MAP3K1: variants seen among roughly 807,000 people sequenced by gnomAD.
The protein encoded by MAP3K1 is MAP/ERK kinase kinase 1.
A neutral mutation model predicts 144.2 loss-of-function variants in MAP3K1; 36 were observed. That is an observed-to-expected ratio of 0.25 (90% confidence interval 0.19 to 0.33). The LOEUF (loss-of-function observed/expected upper bound fraction) is 0.33, where lower values mean the gene tolerates loss of function less well. Among genes scored for constraint, MAP3K1 ranks in the 10% least tolerant of loss-of-function variants. The pLI is 1.00. For synonymous variants in MAP3K1, 718 were observed against 688.7 expected, an observed-to-expected ratio of 1.04 and a Z score of -0.67; for missense variants, 1,650 against 1,881.9, an observed-to-expected ratio of 0.88 and a Z score of 2.28.
chr5:56,883,578 G>C lies in MAP3K1; in HGVS notation c.3718G>C (p.Asp1240His). Residue 1240 changes from aspartate (D) to histidine (H), a missense_variant, in exon 15 of 20, where the codon GAC becomes CAC. Around this residue, in one of 6 missense-constraint regions of MAP3K1, gnomAD observed 841 missense variants for 886.5 expected, o/e 0.95. Coordinates refer to ENST00000399503, the MANE Select transcript of MAP3K1 (RefSeq NM_005921.2). ...CAAAGCAAAACAACCGTATAGAGAAGACACTGAATGGCTGAAAGGTCAACA... is the reference window on the plus strand; with the variant it reads ...CAAAGCAAAACAACCGTATAGAGAACACACTGAATGGCTGAAAGGTCAACA... ...HTKAKQPYRE[D>H]TEWLKGQQIG... The C allele has an allele frequency of 1.9e-6, 3 of 1,614,122 alleles. No individual in the cohort carries two copies. The highest frequency in any genetic ancestry group is 2.5e-6 in the Non-Finnish European group (3 of 1,179,986).
At chr5:56,836,272 C>G (rs1481730697) in intron 1 of MAP3K1, among the ~76,000 whole-genome samples, 1 of 152,038 alleles carries the variant, frequency 6.6e-6, no homozygotes, top group Non-Finnish European at 1.5e-5. Flanking sequence ...TTTTAAATAC[C>G]TCATAGAAAT....
chr5:56,881,339 A>C (rs1206901098), intron 13 of MAP3K1, 67 bp downstream of exon 13: 2 of 1,371,790 alleles, frequency 1.5e-6, no homozygotes, highest in East Asian at 2.3e-5. Flanking sequence ...CTCAAGAATG[A>C]CACATTTTAG....
At chr5:56,856,453 C>T (rs1747345949) in intron 1 of MAP3K1, 147 bp from the exon 2 acceptor site, 2 of 687,916 alleles carry the variant, frequency 2.9e-6, no homozygotes, top group Non-Finnish European at 5.0e-6. Context: ...TCTTTTCAAG[C>T]TTTAAGTCAT....
rs771806408 is a variant in MAP3K1 at position 56,875,238 on chromosome 5, G to C, written c.1893G>C (p.Val631=). Residue 631 remains valine, a synonymous_variant, in exon 10 of 20, where the codon GTG becomes GTC. Transcript: ENST00000399503. ...CCCAGACCAGTATCTCAGGAGATGT[G>C]GTGGAGGCATGCTGCAGCGTTCTGT... ...GSSQTSISGD[V]VEACCSVLSM... 6 of 1,614,106 alleles carry C rather than the reference G, an allele frequency of 3.7e-6. No individual in the cohort carries two copies. Among genetic ancestry groups the C allele is most frequent in the Non-Finnish European group, 4.2e-6 (5 of 1,180,008 alleles).
intron 1 of MAP3K1, among the ~76,000 whole-genome samples, chr5:56,826,833 A>G (rs1026923188): frequency 1.3e-5 from 2 of 152,254 alleles, no homozygotes; most frequent in African/African-American, 4.8e-5. Flanking sequence ...CATGCCTTCA[A>G]GAAACACTCA....
chr5:56,860,046 G>A (rs781283521), intron 3 of MAP3K1, 131 bp downstream of exon 3: 93 of 828,950 alleles, frequency 1.1e-4, no homozygotes, highest in Non-Finnish European at 9.8e-5. Flanking sequence ...CTGAGGATGG[G>A]GGGGGTGGTT....
chr5:56,840,246 C>T (rs1281088942), intron 1 of MAP3K1, among the ~76,000 whole-genome samples: 1 of 152,194 alleles, frequency 6.6e-6, no homozygotes, highest in Non-Finnish European at 1.5e-5. Context: ...CTCCCAAGTT[C>T]AAACGATTCT....
rs1747868612 is a variant in MAP3K1, at chr5:56,872,012, C to T, written c.1404C>T (p.His468=). The T allele has an allele frequency of 6.2e-7, 1 of 1,613,850 alleles. No homozygotes were observed. Among genetic ancestry groups the T allele is most frequent in the African/African-American group, 1.3e-5 (1 of 74,898 alleles). The change falls in exon 7 of 20, where the codon CAC becomes CAT. Residue 468 remains histidine, a synonymous_variant. Transcript: ENST00000399503. ...VCEDGCRNKL[H]HHCMSIWAEE... ...AAGACGGCTGCAGGAACAAGCTGCA[C>T]CACCACTGCATGTCAATTTGTATGT...
rs2111979712 is a variant in MAP3K1, at chr5:56,895,591, C to CA, written c.*1914dup. 4.3e-6 allele frequency: 1 copy of CA among 232,354 alleles called. No individual in the cohort carries two copies. Among genetic ancestry groups the CA allele is most frequent in the South Asian group, 1.8e-4 (1 of 5,524 alleles). The allele number at this position is 232,354 out of a possible 1,614,324, so 14.4% of individuals were successfully genotyped here. ...CACCATGCCCACCACATTTCAAACTCAAACTATCTGTAGATTTCAAAATCC... is the reference window on the plus strand; with the variant it reads ...CACCATGCCCACCACATTTCAAACTCAAAACTATCTGTAGATTTCAAAATCC... On this transcript the variant is annotated 3_prime_UTR_variant, in exon 20 of 20. Coordinates refer to ENST00000399503, the MANE Select transcript of MAP3K1 (RefSeq NM_005921.2).
intron 18 of MAP3K1, 78 bp downstream of exon 18, chr5:56,887,598 A>G: frequency 6.8e-7 from 1 of 1,461,878 alleles, no homozygotes; most frequent in South Asian, 1.1e-5. Flanking sequence ...ATTATCTTGC[A>G]GTGGTATCCA....
At chr5:56,845,419 G>A (rs991632752) in intron 1 of MAP3K1, among the ~76,000 whole-genome samples, 3 of 151,636 alleles carry the variant, frequency 2.0e-5, no homozygotes, top group Admixed American at 1.3e-4. Context: ...ACTGTGCCAT[G>A]CATTCTGTAC....
Position 56,894,249 on chromosome 5 carries a change from T to A in MAP3K1, c.*569T>A. 4.3e-6 allele frequency: 1 copy of A among 234,604 alleles called. No homozygotes were observed. The highest frequency in any genetic ancestry group is 8.4e-6 in the Non-Finnish European group (1 of 118,912). 14.5% of individuals were successfully genotyped at this position (234,604 alleles called of 1,614,324 possible). ...TCTTAAATACCAGGGCAGTTGTGGC[T>A]CATTGTGCATTTTACTGTTGGCCCA... is the stretch of plus-strand genomic sequence containing the variant. On this transcript the variant is annotated 3_prime_UTR_variant, in exon 20 of 20. Transcript: ENST00000399503.
chr5:56,859,799 G>A lies in MAP3K1; in HGVS notation c.718G>A (p.Ala240Thr). 1 of 1,614,096 alleles carries A rather than the reference G, an allele frequency of 6.2e-7. No individual in the cohort carries two copies. Among genetic ancestry groups the A allele is most frequent in the Non-Finnish European group, 8.5e-7 (1 of 1,180,008 alleles). ...AESPGEVQAS[A>T]ASPASKGRRS... ...GTCTCCAGGAGAGGTCCAGGCAAGT[G>A]CGGCTTCACCAGCTTCCAAAGGCCG... The change falls in exon 3 of 20, where the codon GCG becomes ACG. Residue 240 changes from alanine to threonine, a missense_variant. Physicochemically the swap from Ala to Thr is moderately conservative, Grantham distance 58 (BLOSUM62 0). This residue lies in a region of MAP3K1 where 148 missense variants were observed against 177.2 expected (regional missense o/e 0.84). Coordinates refer to ENST00000399503, the MANE Select transcript of MAP3K1 (RefSeq NM_005921.2).
chr5:56,893,654 C>A lies in MAP3K1; in HGVS notation c.4513C>A (p.His1505Asn). The A allele has an allele frequency of 6.2e-7, 1 of 1,613,960 alleles. No homozygotes were observed. The highest frequency in any genetic ancestry group is 8.5e-7 in the Non-Finnish European group (1 of 1,179,852). The change falls in exon 20 of 20, where the codon CAT (histidine) becomes AAT (asparagine). Residue 1505 changes from histidine to asparagine, a missense_variant. By Grantham distance (68) the His-to-Asn change is moderately conservative (BLOSUM62 1). This residue lies in a region of MAP3K1 where 165 missense variants were observed against 322.9 expected (regional missense o/e 0.51). Coordinates refer to ENST00000399503, the MANE Select transcript of MAP3K1 (RefSeq NM_005921.2). The stretch of plus-strand genomic sequence containing the variant: ...ACCTCCATCAAGAGAGCTACTGAAG[C>A]ATCCAGTCTTTCGTACTACATGGTA... Reference protein sequence around the residue: ...DRPPSRELLKHPVFRTTW With the variant: ...DRPPSRELLKNPVFRTTW
chr5:56,821,325 G>A (rs761746057), intron 1 of MAP3K1, among the ~76,000 whole-genome samples: 1 of 152,194 alleles, frequency 6.6e-6, no homozygotes, highest in African/African-American at 2.4e-5. Context: ...AACTCACCAA[G>A]TGTATAATTC....
chr5:56,823,310 G>A (rs1746211016), intron 1 of MAP3K1, among the ~76,000 whole-genome samples: 6 of 152,002 alleles, frequency 3.9e-5, no homozygotes, highest in Admixed American at 3.9e-4. Flanking sequence ...TCTTCTATAG[G>A]GCCCTCACAT....
intron 1 of MAP3K1, among the ~76,000 whole-genome samples, chr5:56,850,723 C>G (rs1277610974): frequency 6.6e-6 from 1 of 152,200 alleles, no homozygotes; most frequent in East Asian, 1.9e-4. Flanking sequence ...CTCCCCAAGC[C>G]TCCGATGGAA....
At chr5:56,873,059 T>C in intron 9 of MAP3K1, 54 bp downstream of exon 9, 1 of 1,487,676 alleles carries the variant, frequency 6.7e-7, no homozygotes, top group Non-Finnish European at 9.3e-7. Flanking sequence ...GATCAATTAA[T>C]GTATTTGTCT....
At chr5:56,871,881 T>G (rs1279453047) in intron 6 of MAP3K1, 29 bp from the exon 7 acceptor site, 4 of 1,610,216 alleles carry the variant, frequency 2.5e-6, no homozygotes, top group Middle Eastern at 1.7e-4. Context: ...TCTTTTATGC[T>G]TAATACTTTT....
Sources: allele counts gnomAD v4.1 joint callset (sites outside exome capture counted in the v4.1 genomes callset), GRCh38; gene constraint gnomAD v4.1.1; regional missense constraint gnomAD v4.1.1; transcripts MANE v1.5; gene names NCBI Gene and HGNC (gene_info 2026-07-23, HGNC 2026-07-21).